The following PPP2R3A variants were observed in gnomAD, a reference collection of about 807,000 sequenced individuals.
PPP2R3A encodes serine/threonine-protein phosphatase 2A regulatory subunit B'' subunit alpha.
A neutral mutation model predicts 106.9 loss-of-function variants in PPP2R3A; 80 were observed. The ratio of observed to expected loss-of-function variants is 0.75; its 90% CI spans 0.62 to 0.90. PPP2R3A has a LOEUF of 0.90. PPP2R3A is among the 40% of genes least tolerant of loss of function. The pLI, the probability that PPP2R3A is intolerant of heterozygous loss-of-function variation, is 0.00. For synonymous variants in PPP2R3A, 483 were observed against 468.3 expected (o/e 1.03, Z -0.41); for missense variants, 1,386 against 1,350.4 (o/e 1.03, Z -0.41).
At chr3:136,120,342 C>T (rs1260851362) in intron 13 of PPP2R3A, among the ~76,000 whole-genome samples, 3 of 152,142 alleles carry the variant, frequency 2.0e-5, no homozygotes, top group Non-Finnish European at 4.4e-5. Flanking sequence ...AATCTCAGCA[C>T]TTTGGGAGGC....
At position 136,072,108 on chromosome 3, in the gene PPP2R3A, A is replaced by G. The variant is rs145269259; in HGVS notation, c.2544+1556A>G. ...TTGTTTGTCCATCTCCTATCATCTG[A>G]TAAAATTTAATTTTTTGTTTGTCCA... On this transcript the variant is annotated intron_variant, in intron 6 of 13. Transcript: ENST00000264977. 5.8e-3 allele frequency among the ~76,000 whole-genome samples: 886 copies of G among 152,118 alleles called. 8 individuals carry two copies. The highest frequency in any genetic ancestry group is 8.7e-3 in the Non-Finnish European group (593 of 67,990).
intron 5 of PPP2R3A, among the ~76,000 whole-genome samples, chr3:136,065,838 G>T (rs2107898379): frequency 6.6e-6 from 1 of 152,194 alleles, no homozygotes; most frequent in South Asian, 2.1e-4. Context: ...ACCACACCCA[G>T]CTAATTTTTA....
intron 6 of PPP2R3A, 57 bp from the exon 7 acceptor site, chr3:136,078,310 G>A: frequency 1.6e-6 from 2 of 1,231,210 alleles, no homozygotes; most frequent in Admixed American, 1.9e-5. Flanking sequence ...TGGCCTTTGA[G>A]AAAGTAGTGG....
In PPP2R3A at chr3:136,146,447, C is replaced by A. The variant is rs1285179236; in HGVS notation, c.*1281C>A. The A allele has an allele frequency of 6.6e-6, 1 of 152,154 alleles. No homozygotes were observed. 9.4% of individuals were successfully genotyped at this position (152,154 alleles called of 1,614,324 possible). ...CCTTTCCACCCTACCTAGGTTCCCT[C>A]CTTGCTGGCATAAAGGCCAAGCAGT... On this transcript the variant is annotated 3_prime_UTR_variant, in exon 14 of 14. Coordinates refer to ENST00000264977, the MANE Select transcript of PPP2R3A (RefSeq NM_002718.5).
chr3:136,140,665 T>C (rs1686650278), intron 13 of PPP2R3A, among the ~76,000 whole-genome samples: 1 of 151,152 alleles, frequency 6.6e-6, no homozygotes, highest in Non-Finnish European at 1.5e-5. Flanking sequence ...GGAGAATCGC[T>C]TGAACCCCGG....
At chr3:136,037,898 C>G (rs1935141293) in intron 3 of PPP2R3A, among the ~76,000 whole-genome samples, 1 of 151,894 alleles carries the variant, frequency 6.6e-6, no homozygotes, top group African/African-American at 2.4e-5. Context: ...AATCTATTTT[C>G]TGTATCTCTG....
At chr3:136,056,955 AG>A (rs1165294145) in intron 5 of PPP2R3A, among the ~76,000 whole-genome samples, 1 of 152,198 alleles carries the variant, frequency 6.6e-6, no homozygotes, top group African/African-American at 2.4e-5. Context: ...ACTAATCATC[AG>A]AGAAATGAAA....
At chr3:136,048,280 A>G (rs1444207886) in intron 4 of PPP2R3A, among the ~76,000 whole-genome samples, 3 of 152,184 alleles carry the variant, frequency 2.0e-5, no homozygotes, top group African/African-American at 4.8e-5. Context: ...GTGAGAAGGC[A>G]TGGAACATTT....
At chr3:136,115,478 A>G (rs1454115542) in intron 13 of PPP2R3A, among the ~76,000 whole-genome samples, 3 of 152,016 alleles carry the variant, frequency 2.0e-5, no homozygotes, top group Non-Finnish European at 2.9e-5. Context: ...TTCTAACCCA[A>G]TGCAAGGAAG....
chr3:135,973,364 C>T (rs965707567), intron 1 of PPP2R3A, among the ~76,000 whole-genome samples: 3 of 152,178 alleles, frequency 2.0e-5, no homozygotes, highest in Non-Finnish European at 4.4e-5. Flanking sequence ...ATAGAGCTTT[C>T]ATTTGGTCAA....
chr3:135,983,376 C>T (rs1471299075), intron 1 of PPP2R3A, among the ~76,000 whole-genome samples: 2 of 152,138 alleles, frequency 1.3e-5, no homozygotes, highest in Admixed American at 1.3e-4. Flanking sequence ...GACTCATCTG[C>T]GTCTGCTTCC....
chr3:136,100,380 T>A lies in PPP2R3A; in HGVS notation c.2928-1627T>A, dbSNP rs184082587. ...AAAGAACTTTTATTATTATTATTAT[T>A]AAAAATTAGCCAGGCTAGGCGCCGT... On this transcript the variant is annotated intron_variant, in intron 10 of 13. Coordinates refer to ENST00000264977, the MANE Select transcript of PPP2R3A (RefSeq NM_002718.5). 3.7e-4 allele frequency among the ~76,000 whole-genome samples: 55 copies of A among 150,274 alleles called. No homozygotes were observed. The East Asian group carries it at 9.8e-3, about 27-fold the overall frequency.
chr3:136,067,752 C>T (rs542647345), intron 5 of PPP2R3A, among the ~76,000 whole-genome samples: 7 of 152,170 alleles, frequency 4.6e-5, no homozygotes, highest in African/African-American at 1.4e-4. Flanking sequence ...AAATACTATT[C>T]TAGTAGTAAT....
At chr3:136,117,858 C>T (rs1455638083) in intron 13 of PPP2R3A, among the ~76,000 whole-genome samples, 1 of 152,170 alleles carries the variant, frequency 6.6e-6, no homozygotes, top group African/African-American at 2.4e-5. Flanking sequence ...AAGAGGGAAT[C>T]CTCCTTAACT....
rs1461440928 is a variant in PPP2R3A at position 136,002,857 on chromosome 3, A to T, written c.1359A>T (p.Glu453Asp). The change falls in exon 2 of 14, where the codon GAA (glutamate) becomes GAT (aspartate). Residue 453 changes from glutamate (E) to aspartate (D), a missense_variant. Transcript: ENST00000264977. ...ATGAACATAGAGCAGAATTTCCAGA[A>T]CATGCTACTCATCTTAAAAAATGCC... ...KVNEHRAEFP[E>D]HATHLKKCPT... 6 of 1,613,872 alleles carry T rather than the reference A, an allele frequency of 3.7e-6. No homozygotes were observed. Among genetic ancestry groups the T allele is most frequent in the Non-Finnish European group, 5.1e-6 (6 of 1,179,932 alleles).
At position 136,124,337 on chromosome 3, in the gene PPP2R3A, G is replaced by A. The variant is rs117126726; in HGVS notation, c.3329+18015G>A. 1.9e-4 allele frequency among the ~76,000 whole-genome samples: 29 copies of A among 152,114 alleles called. No individual in the cohort carries two copies. In the East Asian group the frequency reaches 1.9e-3, roughly 10 times the overall value. The stretch of plus-strand genomic sequence containing the variant: ...AGACCCCACTTCTACAGAATTAGCC[G>A]GGCATGGGGATGGCATACACCTATA... On this transcript the variant is annotated intron_variant, in intron 13 of 13. Transcript: ENST00000264977.
chr3:136,104,555 C>G (rs993562294), intron 12 of PPP2R3A, among the ~76,000 whole-genome samples: 3 of 152,276 alleles, frequency 2.0e-5, no homozygotes, highest in Admixed American at 2.0e-4. Flanking sequence ...ATCTGCCCAC[C>G]TAGGCCTCCC....
chr3:136,106,030 A>AATT (rs1937507051), intron 12 of PPP2R3A, among the ~76,000 whole-genome samples, 186 bp from the exon 13 acceptor site: 1 of 152,202 alleles, frequency 6.6e-6, no homozygotes, highest in South Asian at 2.1e-4. Context: ...AAACAGTTAT[A>AATT]ATTTTGCCAT....
Position 136,081,144 on chromosome 3 carries a change from C to T in PPP2R3A, c.2632-1121C>T, listed in dbSNP as rs186260014. Among the ~76,000 whole-genome samples the T allele has an allele frequency of 3.5e-4, 53 of 151,990 alleles. No individual in the cohort carries two copies. The East Asian group carries it at 9.3e-3, about 27-fold the overall frequency. ...AGTAGCTGGGATTACAGGCGCCTGCCACCACACCCAGCTAATATTTGTATT... is the reference window on the plus strand; with the variant it reads ...AGTAGCTGGGATTACAGGCGCCTGCTACCACACCCAGCTAATATTTGTATT... On this transcript the variant is annotated intron_variant, in intron 7 of 13. Coordinates refer to ENST00000264977, the MANE Select transcript of PPP2R3A (RefSeq NM_002718.5).
Sources: gnomAD v4.1 joint callset for allele counts (sites outside exome capture counted in the v4.1 genomes callset) on GRCh38, gnomAD v4.1.1 for gene constraint, MANE v1.5 for transcripts, NCBI Gene and HGNC (gene_info 2026-07-23, HGNC 2026-07-21) for gene names.